The following ELAVL2 variants were observed in gnomAD, a reference collection of about 807,000 sequenced individuals.
ELAVL2 encodes the protein ELAV-like protein 2.
In ELAVL2, 4 loss-of-function variants were observed where a neutral mutation model predicts 34.6. The observed-to-expected ratio is 0.12, with a 90% CI of 0.06 to 0.26. The LOEUF (loss-of-function observed/expected upper bound fraction) is 0.26. Among genes scored for constraint, ELAVL2 ranks in the 10% least tolerant of loss-of-function variants. The pLI is 1.00. For missense variants in ELAVL2, 432 were observed against 442.8 expected (o/e 0.98, Z 0.22); for synonymous variants, 193 against 154.8 (o/e 1.25, Z -1.83).
At chr9:23,719,499 T>G (rs2043126959) in intron 3 of ELAVL2, among the ~76,000 whole-genome samples, 1 of 152,220 alleles carries the variant, frequency 6.6e-6, no homozygotes, top group Admixed American at 6.5e-5. Flanking sequence ...TGGTTTCTTA[T>G]TAATTCATTT....
In ELAVL2 at chr9:23,779,488, T is replaced by TA. The variant is rs560701990; in HGVS notation, c.-15-17240dup. On this transcript the variant is annotated intron_variant, in intron 1 of 6. Transcript: ENST00000397312. ...TGGGCGGGCTTCCTTCTGGCTTCCT[T>TA]AGACTCAGAAACTAATGCATTCTTC... The TA allele has an allele frequency of 1.2e-3, 1,028 of 839,638 alleles. 1 individual carries two copies. Among genetic ancestry groups the TA allele is most frequent in the South Asian group, 1.4e-3 (26 of 18,294 alleles). The allele number at this position is 839,638 out of a possible 1,614,324, so 52.0% of individuals were successfully genotyped here.
chr9:23,721,801 T>TA (rs2134106319), intron 3 of ELAVL2, among the ~76,000 whole-genome samples: 1 of 152,368 alleles, frequency 6.6e-6, no homozygotes, highest in East Asian at 1.9e-4. Context: ...ATGATTCTCT[T>TA]AACCTTTTCT....
At chr9:23,843,132 CA>C in the ELAVL2 span, among the ~76,000 whole-genome samples, 1 of 152,100 alleles carries the variant, frequency 6.6e-6, no homozygotes, top group African/African-American at 2.4e-5. Context: ...ATAAAATATA[CA>C]GCTGGATTGG....
chr9:23,692,552 G>C lies in ELAVL2; in HGVS notation c.*5C>G, dbSNP rs1174236737. On this transcript the variant is annotated 3_prime_UTR_variant, in exon 7 of 7. Transcript: ENST00000397312. ...ATATATAAATGGACTGAGGACAAGA[G>C]CTCATTAGGCTTTGTGCGTTTTGTT... 4.4e-6 allele frequency: 7 copies of C among 1,608,034 alleles called. No individual in the cohort carries two copies. Among genetic ancestry groups the C allele is most frequent in the Non-Finnish European group, 6.0e-6 (7 of 1,175,746 alleles).
At chr9:23,786,803 A>AAAAAAAAAAAAAAAACT (rs2059747180) in intron 1 of ELAVL2, among the ~76,000 whole-genome samples, 1 of 138,170 alleles carries the variant, frequency 7.2e-6, no homozygotes, top group Admixed American at 7.2e-5. Context: ...AAAAAAAAAA[A>AAAAAAAAAAAAAAAACT]GAGAGAGAGA....
At chr9:23,827,321 C>T (rs1265670822), upstream of ELAVL2, among the ~76,000 whole-genome samples, 1 of 152,164 alleles carries the variant, frequency 6.6e-6, no homozygotes, top group East Asian at 1.9e-4. Flanking sequence ...TTTATTACAA[C>T]CCCATATTTT....
rs1007778172 is a variant in ELAVL2, at chr9:23,691,722, C to T, written c.*835G>A. 2 of 152,506 alleles carry T rather than the reference C, an allele frequency of 1.3e-5. No homozygotes were observed. The highest frequency in any genetic ancestry group is 2.4e-5 in the African/African-American group (1 of 41,432). The allele number at this position is 152,506 out of a possible 1,614,324, so 9.4% of individuals were successfully genotyped here. A position where few individuals can be genotyped will look rare whatever the true frequency, so the allele number is the denominator to read the frequency against. ...GATTCTACTCCTTTCATACAAAGATCTCAAAAGTATTTTCTACACCATAAA... is the reference window on the plus strand; with the variant it reads ...GATTCTACTCCTTTCATACAAAGATTTCAAAAGTATTTTCTACACCATAAA... On this transcript the variant is annotated 3_prime_UTR_variant, in exon 7 of 7. Coordinates refer to ENST00000397312, the MANE Select transcript of ELAVL2 (RefSeq NM_004432.5).
At chr9:23,813,650 G>A (rs559216373) in intron 1 of ELAVL2, among the ~76,000 whole-genome samples, 1 of 152,252 alleles carries the variant, frequency 6.6e-6, no homozygotes, top group East Asian at 1.9e-4. Context: ...ATCCCAGGGG[G>A]GGAGGAGAGA....
chr9:23,749,289 A>C (rs1339051921), intron 2 of ELAVL2, among the ~76,000 whole-genome samples: 1 of 152,172 alleles, frequency 6.6e-6, no homozygotes, highest in Non-Finnish European at 1.5e-5. Context: ...CTAGTATAAT[A>C]CAAGTAGGCT....
intron 2 of ELAVL2, among the ~76,000 whole-genome samples, chr9:23,748,747 G>A (rs540265173): frequency 3.1e-4 from 47 of 152,192 alleles, no homozygotes; most frequent in Non-Finnish European, 5.6e-4. Flanking sequence ...CTTATTTCAG[G>A]GGGAGGGGTT....
At chr9:23,737,246 T>C (rs2048116237) in intron 2 of ELAVL2, among the ~76,000 whole-genome samples, 1 of 152,206 alleles carries the variant, frequency 6.6e-6, no homozygotes. Flanking sequence ...AGCATCTGCC[T>C]TCCAGGAGCC....
chr9:23,754,123 T>C (rs1449753186), intron 2 of ELAVL2, among the ~76,000 whole-genome samples: 1 of 152,098 alleles, frequency 6.6e-6, no homozygotes, highest in African/African-American at 2.4e-5. Context: ...TATAACTGTC[T>C]CGTGGGAGTG....
At chr9:23,763,070 G>GA (rs552266644) in intron 1 of ELAVL2, among the ~76,000 whole-genome samples, 4 of 151,830 alleles carry the variant, frequency 2.6e-5, no homozygotes, top group East Asian at 1.9e-4. Flanking sequence ...TTTTTAATGA[G>GA]AAAAAAGAAA....
intron 2 of ELAVL2, among the ~76,000 whole-genome samples, chr9:23,754,583 T>A (rs116271716): frequency 0.011 from 1,618 of 152,192 alleles, 34 homozygotes; most frequent in African/African-American, 0.037. Flanking sequence ...CTCAGCCTTG[T>A]GAGTACCTGG....
At chr9:23,738,300 A>C (rs3829090) in intron 2 of ELAVL2, among the ~76,000 whole-genome samples, 2 of 152,130 alleles carry the variant, frequency 1.3e-5, no homozygotes, top group Non-Finnish European at 2.9e-5. Flanking sequence ...TTTTCTCCAC[A>C]TTTTAATTCC....
intron 1 of ELAVL2, among the ~76,000 whole-genome samples, chr9:23,806,664 A>G (rs896274568): frequency 1.3e-5 from 2 of 152,200 alleles, no homozygotes; most frequent in Non-Finnish European, 2.9e-5. Flanking sequence ...CACTATATTC[A>G]GAAAACAAAG....
intron 5 of ELAVL2, among the ~76,000 whole-genome samples, chr9:23,695,840 A>T (rs920287482): frequency 7.2e-5 from 11 of 152,190 alleles, no homozygotes; most frequent in Non-Finnish European, 4.4e-5. Flanking sequence ...ACGGTCGTAC[A>T]TGTGATTAAC....
chr9:23,824,144 A>C (rs1383298095), intron 1 of ELAVL2, among the ~76,000 whole-genome samples: 1 of 152,216 alleles, frequency 6.6e-6, no homozygotes, highest in Non-Finnish European at 1.5e-5. Context: ...CCAGACCTGC[A>C]GCCGGTAATT....
chr9:23,797,439 T>A (rs1322389225), intron 1 of ELAVL2, among the ~76,000 whole-genome samples: 2 of 152,124 alleles, frequency 1.3e-5, no homozygotes, highest in African/African-American at 4.8e-5. Flanking sequence ...CTGGTAAATC[T>A]CATGTATGAT....
Sources: allele counts gnomAD v4.1 joint callset (sites outside exome capture counted in the v4.1 genomes callset), GRCh38; gene constraint gnomAD v4.1.1; transcripts MANE v1.5; gene names NCBI Gene and HGNC (gene_info 2026-07-23, HGNC 2026-07-21).